Variants in DNAH2 observed in about 807,000 individuals in gnomAD.
DNAH2 encodes the protein axonemal beta dynein heavy chain 2.
DNAH2 carries 323 observed loss-of-function variants against 523.5 expected under a neutral mutation model. The ratio of observed to expected loss-of-function variants is 0.62; its 90% CI spans 0.56 to 0.68. The LOEUF (loss-of-function observed/expected upper bound fraction) is 0.68. DNAH2 is among the 30% of genes least tolerant of loss of function. The probability of loss-of-function intolerance (pLI) is 0.00; values close to 1 mark genes in which losing one functional copy is unlikely to be tolerated. For missense variants in DNAH2, 4,907 were observed against 5,701.5 expected (o/e 0.86, Z 4.49); for synonymous variants, 2,093 against 2,177.4 (o/e 0.96, Z 1.08).
At chr17:7,804,018 TA>T (rs1369877003) in intron 58 of DNAH2, among the ~76,000 whole-genome samples, 4 of 152,034 alleles carry the variant, frequency 2.6e-5, no homozygotes, top group African/African-American at 7.2e-5. Flanking sequence ...CTGATTCTGG[TA>T]GTGGTGTGTA....
intron 44 of DNAH2, among the ~76,000 whole-genome samples, 164 bp downstream of exon 44, chr17:7,788,408 G>T (rs1362312036): frequency 6.6e-6 from 1 of 152,198 alleles, no homozygotes; most frequent in African/African-American, 2.4e-5. Flanking sequence ...TGAGGGGTGT[G>T]TGTGTGCATG....
At chr17:7,752,186 C>CACACACACACACACACACACAT in intron 12 of DNAH2, among the ~76,000 whole-genome samples, 1 of 151,730 alleles carries the variant, frequency 6.6e-6, no homozygotes, top group Non-Finnish European at 1.5e-5. Flanking sequence ...CACACACACA[C>CACACACACACACACACACACAT]ACACACACAA....
At position 7,779,389 on chromosome 17, in the gene DNAH2, G is replaced by A. The variant is rs1367740436; in HGVS notation, c.5688G>A (p.Val1896=). 1.9e-6 allele frequency: 3 copies of A among 1,613,920 alleles called. No homozygotes were observed. Among genetic ancestry groups the A allele is most frequent in the Non-Finnish European group, 2.5e-6 (3 of 1,179,988 alleles). ...FHFDGFEINL[V]WSCGIFITMN... ...TTGATGGCTTTGAAATAAATCTGGT[G>A]TGGTCCTGTGGGATCTTCATTACCA... Residue 1896 remains valine, a synonymous_variant, in exon 36 of 86, where the codon GTG becomes GTA. Coordinates refer to ENST00000572933, the MANE Select transcript of DNAH2 (RefSeq NM_020877.5).
intron 2 of DNAH2, among the ~76,000 whole-genome samples, chr17:7,723,335 C>T (rs1170302895): frequency 1.5e-5 from 2 of 134,442 alleles, no homozygotes; most frequent in African/African-American, 2.8e-5. Context: ...GGCAGTGGCA[C>T]GATTATGGCT....
At position 7,824,237 on chromosome 17, in the gene DNAH2, C is replaced by T. The variant is rs150283304; in HGVS notation, c.11595C>T (p.His3865=). The change falls in exon 76 of 86, where the codon CAC becomes CAT. Residue 3865 remains histidine (H), a synonymous_variant. Coordinates refer to ENST00000572933, the MANE Select transcript of DNAH2 (RefSeq NM_020877.5). ...ACATGGGCATGGCCCAGCGCTTCCA[C>T]GCCCTGTCCCTGGGCCAGGGCCAGG... is the stretch of plus-strand genomic sequence containing the variant. ...AEHMGMAQRF[H]ALSLGQGQAP... 6.2e-5 allele frequency: 99 copies of T among 1,600,320 alleles called. No homozygotes were observed. Among genetic ancestry groups the T allele is most frequent in the Admixed American group, 3.1e-4 (18 of 57,722 alleles).
intron 12 of DNAH2, among the ~76,000 whole-genome samples, chr17:7,744,200 A>G (rs2075445241): frequency 6.6e-6 from 1 of 150,980 alleles, no homozygotes. Context: ...AGGCTGAGGC[A>G]GGAAAATCGC....
At chr17:7,779,651 G>A (rs543164926) in intron 36 of DNAH2, among the ~76,000 whole-genome samples, 7 of 152,300 alleles carry the variant, frequency 4.6e-5, no homozygotes, top group African/African-American at 1.4e-4. Flanking sequence ...GTGTGTATAT[G>A]TAGCCCTCAT....
intron 15 of DNAH2, 147 bp from the exon 16 acceptor site, chr17:7,759,275 C>T (rs762848670): frequency 1.6e-5 from 22 of 1,418,974 alleles, no homozygotes; most frequent in Non-Finnish European, 2.1e-5. Flanking sequence ...AGCCAACCTT[C>T]AGTCCTCACA....
intron 33 of DNAH2, 118 bp from the exon 34 acceptor site, chr17:7,777,958 AC>A: frequency 1.1e-6 from 1 of 931,556 alleles, no homozygotes; most frequent in Non-Finnish European, 1.6e-6. Context: ...CTAAAAGGGA[AC>A]CCCTGATCCC....
Position 7,822,645 on chromosome 17 carries a change from A to G in DNAH2, c.11143-797A>G, listed in dbSNP as rs944091134. On this transcript the variant is annotated intron_variant, in intron 73 of 85. Coordinates refer to ENST00000572933, the MANE Select transcript of DNAH2 (RefSeq NM_020877.5). ...TACTTATTTGTTATGTTTTTGGTTC[A>G]TAATCTGCCCATGAATTCACAATCC... 2.0e-5 allele frequency among the ~76,000 whole-genome samples: 3 copies of G among 152,100 alleles called. No homozygotes were observed. In the South Asian group the frequency reaches 6.2e-4, roughly 32 times the overall value.
rs1375103812 is a variant in DNAH2 at position 7,751,151 on chromosome 17, A to AT, written c.1905-5930dup. Among the ~76,000 whole-genome samples, 558 of 145,666 alleles carry AT rather than the reference A, an allele frequency of 3.8e-3. 3 individuals carry two copies. The highest frequency in any genetic ancestry group is 6.9e-3 in the Non-Finnish European group (457 of 66,264). Reference sequence around the variant, plus strand: ...TATTTATTTATTTATTTATTTATTCATTTTTTTTTTGAGGGGGAGTCTTGC... The same window carrying AT: ...TATTTATTTATTTATTTATTTATTCATTTTTTTTTTTGAGGGGGAGTCTTGC... On this transcript the variant is annotated intron_variant, in intron 12 of 85. Coordinates refer to ENST00000572933, the MANE Select transcript of DNAH2 (RefSeq NM_020877.5).
chr17:7,736,908 G>A (rs928546603), intron 7 of DNAH2, among the ~76,000 whole-genome samples, 159 bp from the exon 8 acceptor site: 2 of 152,302 alleles, frequency 1.3e-5, no homozygotes, highest in East Asian at 1.9e-4. Context: ...CTTGAACCTG[G>A]CAGGCGGAGG....
chr17:7,829,684 T>C (rs1235912244), intron 77 of DNAH2, among the ~76,000 whole-genome samples: 4 of 152,046 alleles, frequency 2.6e-5, no homozygotes, highest in Non-Finnish European at 5.9e-5. Flanking sequence ...CACCCCAAAT[T>C]GTGCTGGCCT....
rs1204480247 is a variant in DNAH2, at chr17:7,792,765, G to A, written c.7254G>A (p.Val2418=). The change falls in exon 47 of 86, where the codon GTG becomes GTA. Residue 2418 remains valine, a synonymous_variant. Coordinates refer to ENST00000572933, the MANE Select transcript of DNAH2 (RefSeq NM_020877.5). ...NQNPILLVGP[V]GTGKTSIAQS... ...ATCCCATTCTGCTGGTGGGTCCCGT[G>A]GGGACTGGGAAGACCTCCATCGCCC... 3.7e-6 allele frequency: 6 copies of A among 1,614,164 alleles called. 1 individual carries two copies. The South Asian group carries it at 4.4e-5, about 12-fold the overall frequency.
intron 63 of DNAH2, among the ~76,000 whole-genome samples, chr17:7,811,818 G>A (rs939956155): frequency 2.6e-5 from 4 of 152,168 alleles, no homozygotes; most frequent in African/African-American, 4.8e-5. Flanking sequence ...CATTTGGACC[G>A]TAGCAGGGTG....
chr17:7,798,349 A>G lies in DNAH2; in HGVS notation c.8398+25A>G. On this transcript the variant is annotated intron_variant, in intron 54 of 85. Coordinates refer to ENST00000572933, the MANE Select transcript of DNAH2 (RefSeq NM_020877.5). This position sits in a 1 kb window ranked among gnomAD's most constrained non-coding sequence, Gnocchi z 5.5. ...GGTACGGCTGGGTTTCTGAAATGCT[A>G]GGAATAAAAGATCAGATGCATACAT... 1.9e-6 allele frequency: 3 copies of G among 1,594,586 alleles called. No homozygotes were observed. The highest frequency in any genetic ancestry group is 2.6e-6 in the Non-Finnish European group (3 of 1,168,094).
intron 48 of DNAH2, 67 bp downstream of exon 48, chr17:7,793,272 A>G: frequency 6.5e-7 from 1 of 1,531,156 alleles, no homozygotes; most frequent in African/African-American, 1.4e-5. Flanking sequence ...TCCCCACTCC[A>G]CTGGGGCCCC....
At chr17:7,816,874 C>T (rs1165579667) in intron 64 of DNAH2, 139 bp downstream of exon 64, 2 of 1,082,088 alleles carry the variant, frequency 1.8e-6, no homozygotes, top group Non-Finnish European at 2.6e-6. Flanking sequence ...GGCGTGGGAG[C>T]TCTTCCCCTC....
In DNAH2 at chr17:7,793,039, G is replaced by A; in HGVS notation, c.7403G>A (p.Gly2468Asp). Residue 2468 changes from glycine to aspartate, a missense_variant, in exon 48 of 86, where the codon GGT (glycine) becomes GAT (aspartate). By Grantham distance (94) the Gly-to-Asp change is moderately conservative (BLOSUM62 -1). Coordinates refer to ENST00000572933, the MANE Select transcript of DNAH2 (RefSeq NM_020877.5). ...AGCAGGGTTGAGAAGCGAACCAAGG[G>A]TGTCTACGTGCCATTCGGGGGCAAA... ...IESRVEKRTKGVYVPFGGKSM... is the reference protein window; with the variant it reads ...IESRVEKRTKDVYVPFGGKSM... The A allele has an allele frequency of 3.1e-6, 5 of 1,614,170 alleles. No individual in the cohort carries two copies. The highest frequency in any genetic ancestry group is 4.2e-6 in the Non-Finnish European group (5 of 1,180,004).
Sources: gnomAD v4.1 joint callset for allele counts (sites outside exome capture counted in the v4.1 genomes callset) on GRCh38, gnomAD v4.1.1 for gene constraint, Gnocchi (gnomAD v3.1) non-coding constraint, MANE v1.5 for transcripts, NCBI Gene and HGNC (gene_info 2026-07-23, HGNC 2026-07-21) for gene names.